CLDND1: variants seen among roughly 807,000 people sequenced by gnomAD.
CLDND1 encodes claudin domain-containing protein 1.
Under a neutral mutation model 26.3 loss-of-function variants are expected in CLDND1, and 13 were observed. That is an observed-to-expected ratio of 0.49 (90% CI 0.32 to 0.78). The LOEUF (loss-of-function observed/expected upper bound fraction) is 0.78. Ranked by LOEUF, CLDND1 falls within the 30% of genes least tolerant of loss-of-function variation. The pLI, the probability that CLDND1 is intolerant of heterozygous loss-of-function variation, is 0.03. For missense variants in CLDND1, 289 were observed against 312.8 expected (o/e 0.92, Z 0.57); for synonymous variants, 107 against 107.0 (o/e 1.00, Z 0.00).
chr3:98,521,127 A>C lies in CLDND1; in HGVS notation c.292+6T>G, dbSNP rs769481209. The C allele has an allele frequency of 1.2e-6, 2 of 1,602,288 alleles. No homozygotes were observed. Among genetic ancestry groups the C allele is most frequent in the Non-Finnish European group, 1.7e-6 (2 of 1,171,446 alleles). On this transcript the variant is annotated splice_donor_region_variant and intron_variant, in intron 2 of 4. Transcript: ENST00000341181. ...AAGAAGACAGAAGTTAAAATAAGAG[A>C]AATACCTGTCCTTTCTGGTGGGCTA... is the stretch of plus-strand genomic sequence containing the variant.
chr3:98,519,153 G>C (rs1473605380), intron 2 of CLDND1, 158 bp from the exon 3 acceptor site: 1 of 565,258 alleles, frequency 1.8e-6, no homozygotes, highest in Admixed American at 3.3e-5. Flanking sequence ...GATGTCCAAT[G>C]GATGCCACTG....
chr3:98,520,977 G>T, intron 2 of CLDND1, 156 bp downstream of exon 2: 1 of 648,682 alleles, frequency 1.5e-6, no homozygotes, highest in South Asian at 2.0e-5. Context: ...CAAAGAAGTT[G>T]GGGAGAGAAG....
Position 98,516,771 on chromosome 3 carries a change from C to G in CLDND1, c.650G>C (p.Cys217Ser), listed in dbSNP as rs773236328. 2.5e-5 allele frequency: 41 copies of G among 1,614,014 alleles called. No individual in the cohort carries two copies. Among genetic ancestry groups the G allele is most frequent in the Non-Finnish European group, 3.2e-5 (38 of 1,180,014 alleles). The change falls in exon 5 of 5, where the codon TGC becomes TCC. Residue 217 changes from cysteine to serine, a missense_variant. Cys to Ser is a moderately radical substitution (Grantham distance 112, BLOSUM62 -1). Coordinates refer to ENST00000341181, the MANE Select transcript of CLDND1 (RefSeq NM_001040181.2). ...TAAGGGAGCAGAGACACAAGCCAGG[C>G]AGAAGGACCATCCAAATTCACCGGA... Reference protein sequence around the residue: ...NVSGEFGWSFCLACVSAPLQF... With the variant: ...NVSGEFGWSFSLACVSAPLQF...
chr3:98,516,795 GATAC>G lies in CLDND1; in HGVS notation c.622_625del (p.Val208ProfsTer38), dbSNP rs1428226132. On this transcript the variant is annotated frameshift_variant, in exon 5 of 5. Coordinates refer to ENST00000341181, the MANE Select transcript of CLDND1 (RefSeq NM_001040181.2). LOFTEE classifies it high-confidence loss of function. The stretch of plus-strand genomic sequence containing the variant: ...GCAGAAGGACCATCCAAATTCACCG[GATAC>G]ATTGTCAGGGAGCTCTAGTTTCTGG... 1 of 1,614,144 alleles carries G rather than the reference GATAC, an allele frequency of 6.2e-7. No homozygotes were observed. Among genetic ancestry groups the G allele is most frequent in the Non-Finnish European group, 8.5e-7 (1 of 1,180,022 alleles).
At chr3:98,522,767 G>A (rs777523291) in intron 1 of CLDND1, 82 bp downstream of exon 1, 126 of 1,611,084 alleles carry the variant, frequency 7.8e-5, no homozygotes, top group South Asian at 1.7e-4. Context: ...CCACGCCCGG[G>A]AAGGGGGCCC....
At position 98,518,951 on chromosome 3, in the gene CLDND1, C is replaced by T. The variant is rs757909724; in HGVS notation, c.337G>A (p.Glu113Lys). The T allele has an allele frequency of 4.3e-6, 7 of 1,613,778 alleles. No homozygotes were observed. The South Asian group carries it at 7.7e-5, about 18-fold the overall frequency. Residue 113 changes from glutamate to lysine, a missense_variant, in exon 3 of 5, where the codon GAG becomes AAG. Glu to Lys is a moderately conservative substitution (Grantham distance 56). Transcript: ENST00000341181. ...TCAACAAATTTCTCCATGAACTGCT[C>T]AGTTAGTGTGAAACTCACACATTTT... is the stretch of plus-strand genomic sequence containing the variant. The part of the protein sequence containing the change: ...VTKCVSFTLT[E>K]QFMEKFVDPG...
chr3:98,521,028 G>A, intron 2 of CLDND1, 105 bp downstream of exon 2: 1 of 935,572 alleles, frequency 1.1e-6, no homozygotes, highest in Non-Finnish European at 1.6e-6. Flanking sequence ...TCTTTAAGGA[G>A]AGAGAGAACC....
At chr3:98,521,714 C>T in intron 1 of CLDND1, 6 of 1,610,788 alleles carry the variant, frequency 3.7e-6, no homozygotes, top group Non-Finnish European at 4.2e-6. Context: ...CTAAAACAGA[C>T]AACACTGAAA....
chr3:98,522,426 G>A, intron 1 of CLDND1: 1 of 629,358 alleles, frequency 1.6e-6, no homozygotes, highest in South Asian at 5.2e-5. Context: ...TGCTGAGTTT[G>A]GAAAATGGGA....
chr3:98,521,961 AG>A (rs1706434731), intron 1 of CLDND1: 1 of 447,898 alleles, frequency 2.2e-6, no homozygotes, highest in African/African-American at 2.0e-5. Flanking sequence ...TACAGAAAAC[AG>A]AGTTGAAGAT....
intron 1 of CLDND1, chr3:98,521,753 T>TA: frequency 6.7e-7 from 1 of 1,481,700 alleles, no homozygotes; most frequent in Admixed American, 1.7e-5. Flanking sequence ...ATACAAACAA[T>TA]AGACATGCCC....
Position 98,516,616 on chromosome 3 carries a change from T to A in CLDND1, c.*43A>T, listed in dbSNP as rs757351051. ...GGTGGGGAAAATATCAGTATTATTT[T>A]AAAAAAATAAAAATGGCAATTGTAA... On this transcript the variant is annotated 3_prime_UTR_variant, in exon 5 of 5. Transcript: ENST00000341181. 1.2e-5 allele frequency: 19 copies of A among 1,570,390 alleles called. 1 individual carries two copies. Among genetic ancestry groups the A allele is most frequent in the South Asian group, 3.5e-5 (3 of 84,666 alleles).
chr3:98,516,918 G>A, intron 4 of CLDND1, 39 bp from the exon 5 acceptor site: 6 of 1,612,214 alleles, frequency 3.7e-6, no homozygotes, highest in Non-Finnish European at 5.1e-6. Flanking sequence ...AAACATGGCT[G>A]GATAAAAGCA....
In CLDND1 at chr3:98,515,620, T is replaced by C. The variant is rs925990448; in HGVS notation, c.*1039A>G. 5 of 1,117,776 alleles carry C rather than the reference T, an allele frequency of 4.5e-6. No homozygotes were observed. Among genetic ancestry groups the C allele is most frequent in the African/African-American group, 3.3e-5 (2 of 61,316 alleles). The allele number at this position is 1,117,776 out of a possible 1,614,324, so 69.2% of individuals were successfully genotyped here. On this transcript the variant is annotated 3_prime_UTR_variant, in exon 5 of 5. Transcript: ENST00000341181. ...TAAGTTTTTTAAAGTTCAATGTTTA[T>C]AGACATACTTATAAAAAAATGACTG...
rs949127199 is a variant in CLDND1 at position 98,522,575 on chromosome 3, G to A, written c.-19+274C>T. On this transcript the variant is annotated intron_variant, in intron 1 of 4. Coordinates refer to ENST00000341181, the MANE Select transcript of CLDND1 (RefSeq NM_001040181.2). ...GTCCCAGCACTGGGAACGGCGGTTCGTCCAAGCCGGACGCCTGCAGCAGCC... is the reference window on the plus strand; with the variant it reads ...GTCCCAGCACTGGGAACGGCGGTTCATCCAAGCCGGACGCCTGCAGCAGCC... The A allele has an allele frequency of 6.6e-5, 90 of 1,372,572 alleles. No individual in the cohort carries two copies. The African/African-American group carries it at 1.2e-3, about 18-fold the overall frequency. 85.0% of individuals were successfully genotyped at this position (1,372,572 alleles called of 1,614,324 possible).
chr3:98,521,530 C>A, intron 1 of CLDND1, 88 bp from the exon 2 acceptor site: 1 of 1,465,772 alleles, frequency 6.8e-7, no homozygotes, highest in Non-Finnish European at 9.4e-7. Context: ...GCACCCTTTA[C>A]CCAATTCCCC....
chr3:98,522,568 G>A (rs1706471109), intron 1 of CLDND1: 8 of 1,362,584 alleles, frequency 5.9e-6, no homozygotes, highest in Non-Finnish European at 7.5e-6. Flanking sequence ...ACTGGGAACG[G>A]CGGTTCGTCC....
intron 1 of CLDND1, chr3:98,522,104 A>C: frequency 5.7e-6 from 1 of 176,070 alleles, no homozygotes; most frequent in South Asian, 1.3e-4. Context: ...ACGCTGCCAA[A>C]TGCTTCACTC....
intron 4 of CLDND1, 56 bp from the exon 5 acceptor site, chr3:98,516,935 A>C: frequency 3.1e-6 from 5 of 1,609,700 alleles, no homozygotes; most frequent in Non-Finnish European, 4.2e-6. Context: ...AGCACAGTAA[A>C]GAGCTTTTCA....
Sources: allele counts gnomAD v4.1 joint callset, GRCh38; gene constraint gnomAD v4.1.1; transcripts MANE v1.5; gene names NCBI Gene and HGNC (gene_info 2026-07-23, HGNC 2026-07-21).